The following PDE1C variants were observed in gnomAD, a reference collection of about 807,000 sequenced individuals.
PDE1C encodes dual specificity calcium/calmodulin-dependent 3',5'-cyclic nucleotide phosphodiesterase 1C.
Under a neutral mutation model 93.1 loss-of-function variants are expected in PDE1C, and 62 were observed. That is an observed-to-expected ratio of 0.67 (90% CI 0.54 to 0.82). The LOEUF is 0.82. Ranked by LOEUF, PDE1C falls within the 40% of genes least tolerant of loss-of-function variation. PDE1C has a pLI of 0.00. For missense variants in PDE1C, 742 were observed against 884.6 expected (o/e 0.84, Z 2.04); for synonymous variants, 325 against 310.1 (o/e 1.05, Z -0.50).
chr7:31,852,671 G>A (rs1352752061), intron 7 of PDE1C, among the ~76,000 whole-genome samples: 1 of 152,046 alleles, frequency 6.6e-6, no homozygotes, highest in East Asian at 1.9e-4. Flanking sequence ...ACTCACTCAA[G>A]GTCACACAGC....
intron 5 of PDE1C, among the ~76,000 whole-genome samples, chr7:31,875,793 CTA>C (rs71559206): frequency 0.011 from 461 of 42,934 alleles, 6 homozygotes; most frequent in African/African-American, 0.025. Context: ...AAGCTTACAT[CTA>C]TATATATATA....
intron 12 of PDE1C, among the ~76,000 whole-genome samples, chr7:31,827,714 G>A (rs1789870750): frequency 6.6e-6 from 1 of 151,990 alleles, no homozygotes; most frequent in African/African-American, 2.4e-5. Context: ...CTTAGATAGG[G>A]CACTGGTGTC....
At chr7:32,188,968 T>G (rs939535489) in intron 2 of PDE1C, among the ~76,000 whole-genome samples, 1 of 152,134 alleles carries the variant, frequency 6.6e-6, no homozygotes, top group Non-Finnish European at 1.5e-5. Flanking sequence ...CAATAAGCAA[T>G]GCATAACCCA....
chr7:31,845,171 T>G (rs1792401177), intron 9 of PDE1C, among the ~76,000 whole-genome samples: 1 of 152,138 alleles, frequency 6.6e-6, no homozygotes, highest in South Asian at 2.1e-4. Flanking sequence ...ACAAGCACAT[T>G]TTTCATTACC....
At chr7:31,914,153 G>C (rs1382965658) in intron 2 of PDE1C, among the ~76,000 whole-genome samples, 1 of 152,138 alleles carries the variant, frequency 6.6e-6, no homozygotes, top group African/African-American at 2.4e-5. Context: ...CAGTTTCAAA[G>C]TCAATTTTAT....
At chr7:32,308,108 C>T (rs544092716) in intron 1 of PDE1C, among the ~76,000 whole-genome samples, 8 of 152,382 alleles carry the variant, frequency 5.2e-5, no homozygotes, top group Middle Eastern at 3.4e-3. Context: ...GAGGGTCCAA[C>T]GCCCACGGAG....
At chr7:31,756,109 T>A (rs1794448999) in intron 17 of PDE1C, among the ~76,000 whole-genome samples, 1 of 151,744 alleles carries the variant, frequency 6.6e-6, no homozygotes, top group South Asian at 2.1e-4. Context: ...GAGGTGGAGG[T>A]TGCAGTGAGC....
intron 1 of PDE1C, among the ~76,000 whole-genome samples, chr7:32,234,709 C>A (rs566149692): frequency 6.6e-6 from 1 of 151,902 alleles, no homozygotes; most frequent in South Asian, 2.1e-4. Flanking sequence ...AAGTTAACAC[C>A]AATTCTACAC....
intron 2 of PDE1C, among the ~76,000 whole-genome samples, chr7:32,174,291 G>C (rs1371293628): frequency 5.3e-5 from 8 of 152,002 alleles, no homozygotes; most frequent in Non-Finnish European, 1.0e-4. Flanking sequence ...CAATGTGCCA[G>C]GTTTCATTCT....
At chr7:31,875,540 CCATT>C (rs1375273300) in intron 5 of PDE1C, among the ~76,000 whole-genome samples, 3 of 151,892 alleles carry the variant, frequency 2.0e-5, no homozygotes, top group Non-Finnish European at 4.4e-5. Context: ...CTGCCTTCAA[CCATT>C]CTTCCTCATT....
intron 2 of PDE1C, among the ~76,000 whole-genome samples, chr7:31,921,403 A>G (rs182827540): frequency 1.1e-4 from 16 of 152,138 alleles, no homozygotes; most frequent in Admixed American, 9.8e-4. Flanking sequence ...ATGCGATCCT[A>G]AGGTCAGAAG....
chr7:32,118,271 T>A (rs548683020), intron 3 of PDE1C, among the ~76,000 whole-genome samples: 4 of 152,146 alleles, frequency 2.6e-5, no homozygotes, highest in Admixed American at 6.5e-5. Context: ...TGTGAGCAGA[T>A]AGAGAAATAT....
At chr7:31,698,285 G>C in the PDE1C span, among the ~76,000 whole-genome samples, 2 of 152,212 alleles carry the variant, frequency 1.3e-5, no homozygotes, top group Non-Finnish European at 2.9e-5. Context: ...AGCCACATTA[G>C]AGGCTCTGGT....
At chr7:32,110,382 G>A (rs746929254) in intron 3 of PDE1C, among the ~76,000 whole-genome samples, 4 of 152,134 alleles carry the variant, frequency 2.6e-5, no homozygotes, top group African/African-American at 4.8e-5. Context: ...CATGAGATTA[G>A]CACAGGAAAG....
chr7:31,694,819 G>A, the PDE1C span, among the ~76,000 whole-genome samples: 1 of 152,172 alleles, frequency 6.6e-6, no homozygotes, highest in Non-Finnish European at 1.5e-5. Flanking sequence ...CGATGTAAAA[G>A]CCAGGCTTCA....
chr7:31,888,358 T>C (rs1415230987), intron 2 of PDE1C, among the ~76,000 whole-genome samples: 4 of 141,318 alleles, frequency 2.8e-5, no homozygotes, highest in Non-Finnish European at 6.1e-5. Context: ...CAGTAGGCAA[T>C]AGCAAAAAAT....
intron 2 of PDE1C, among the ~76,000 whole-genome samples, chr7:31,957,809 G>T (rs1328746703): frequency 6.6e-6 from 1 of 152,130 alleles, no homozygotes; most frequent in Non-Finnish European, 1.5e-5. Flanking sequence ...CAAGCAGGTA[G>T]AAAATATCAT....
chr7:32,202,739 G>A (rs193044081), intron 2 of PDE1C, among the ~76,000 whole-genome samples: 8 of 152,240 alleles, frequency 5.3e-5, no homozygotes, highest in East Asian at 3.9e-4. Context: ...GGGGAGCTTC[G>A]AGAGGATGAT....
chr7:32,316,193 G>A (rs1389794903), intron 1 of PDE1C, among the ~76,000 whole-genome samples: 2 of 152,122 alleles, frequency 1.3e-5, no homozygotes, highest in African/African-American at 4.8e-5. Flanking sequence ...AATACTTGTT[G>A]AATGAATGAA....
Sources: gnomAD v4.1 joint callset for allele counts (sites outside exome capture counted in the v4.1 genomes callset) on GRCh38, gnomAD v4.1.1 for gene constraint, MANE v1.5 for transcripts, NCBI Gene and HGNC (gene_info 2026-07-23, HGNC 2026-07-21) for gene names.